The following WDFY2 variants were observed in gnomAD, a reference collection of about 807,000 sequenced individuals.
WDFY2 encodes the protein WD repeat and FYVE domain containing 2.
A neutral mutation model predicts 56.4 loss-of-function variants in WDFY2; 36 were observed. That is an observed-to-expected ratio of 0.64 (90% CI 0.49 to 0.84). The LOEUF is 0.84. Ranked by LOEUF, WDFY2 falls within the 40% of genes least tolerant of loss-of-function variation. The pLI, the probability that WDFY2 is intolerant of heterozygous loss-of-function variation, is 0.00. For missense variants in WDFY2, 444 were observed against 512.2 expected (o/e 0.87, Z 1.29); for synonymous variants, 176 against 183.7 (o/e 0.96, Z 0.34).
chr13:51,616,510 C>T lies in WDFY2; in HGVS notation c.137+31686C>T, dbSNP rs565502429. ...TCTTAAATCTCAGAGGCTTTTAACC[C>T]AAAGATTTATTTCTCACTCATGGTC... On this transcript the variant is annotated intron_variant, in intron 1 of 11. Coordinates refer to ENST00000298125, the MANE Select transcript of WDFY2 (RefSeq NM_052950.4). Among the ~76,000 whole-genome samples the T allele has an allele frequency of 3.9e-5, 6 of 152,174 alleles. No homozygotes were observed. The South Asian group carries it at 1.2e-3, about 32-fold the overall frequency.
At chr13:51,593,545 C>G (rs572910344) in intron 1 of WDFY2, among the ~76,000 whole-genome samples, 2 of 152,090 alleles carry the variant, frequency 1.3e-5, no homozygotes, top group African/African-American at 4.8e-5. Flanking sequence ...TTTGCCATAC[C>G]TGACCAGCCA....
intron 7 of WDFY2, among the ~76,000 whole-genome samples, chr13:51,746,070 G>C (rs1953097003): frequency 6.7e-6 from 1 of 148,380 alleles, no homozygotes. Context: ...TCCACCTCCA[G>C]GTTCAAGCTA....
intron 3 of WDFY2, among the ~76,000 whole-genome samples, chr13:51,696,754 C>T (rs900506839): frequency 6.6e-6 from 1 of 152,168 alleles, no homozygotes; most frequent in African/African-American, 2.4e-5. Flanking sequence ...AGTCAGTTTA[C>T]TGGACATTTA....
intron 7 of WDFY2, among the ~76,000 whole-genome samples, chr13:51,744,006 G>A (rs1487331343): frequency 3.3e-5 from 5 of 152,296 alleles, no homozygotes; most frequent in African/African-American, 4.8e-5. Flanking sequence ...GCCCCCAGAC[G>A]GGGGTCCCTG....
intron 2 of WDFY2, among the ~76,000 whole-genome samples, chr13:51,672,759 A>G (rs1955827864): frequency 6.6e-6 from 1 of 151,916 alleles, no homozygotes; most frequent in African/African-American, 2.4e-5. Context: ...GAGGTCTTTC[A>G]CCTCCTGGTT....
At chr13:51,757,932 C>T (rs2138759874) in intron 10 of WDFY2, among the ~76,000 whole-genome samples, 1 of 152,042 alleles carries the variant, frequency 6.6e-6, no homozygotes, top group South Asian at 2.1e-4. Flanking sequence ...GAGATTATCA[C>T]AGACACCATT....
Position 51,759,995 on chromosome 13 carries a change from A to G in WDFY2, c.*226A>G. On this transcript the variant is annotated 3_prime_UTR_variant, in exon 12 of 12. Transcript: ENST00000298125. ...CAATATAAAAGAAGCTATTTTTTTA[A>G]CAAATGGTTTATACAGTCTGGCTGT... The G allele has an allele frequency of 2.0e-6, 1 of 497,620 alleles. No homozygotes were observed. The highest frequency in any genetic ancestry group is 3.0e-5 in the East Asian group (1 of 33,372). 30.8% of individuals were successfully genotyped at this position (497,620 alleles called of 1,614,324 possible).
chr13:51,681,683 T>C (rs1198084313), intron 3 of WDFY2, among the ~76,000 whole-genome samples: 1 of 152,178 alleles, frequency 6.6e-6, no homozygotes, highest in African/African-American at 2.4e-5. Flanking sequence ...ATATTACATA[T>C]GTAATATATG....
intron 7 of WDFY2, among the ~76,000 whole-genome samples, chr13:51,743,733 A>G (rs541728080): frequency 5.9e-5 from 9 of 152,342 alleles, no homozygotes; most frequent in African/African-American, 2.2e-4. Flanking sequence ...ACGTGCTAGA[A>G]GTATGAAAAT....
chr13:51,646,393 T>A (rs142410614), intron 1 of WDFY2, among the ~76,000 whole-genome samples: 3 of 152,364 alleles, frequency 2.0e-5, no homozygotes, highest in Middle Eastern at 6.8e-3. Context: ...GAAGCTTTGT[T>A]TAACCCTGCC....
intron 7 of WDFY2, among the ~76,000 whole-genome samples, chr13:51,741,793 A>T (rs1180463471): frequency 6.6e-6 from 1 of 152,122 alleles, no homozygotes; most frequent in African/African-American, 2.4e-5. Context: ...CAGTATTAAG[A>T]CCCCAGCTGG....
chr13:51,618,310 A>T (rs774435784), intron 1 of WDFY2, among the ~76,000 whole-genome samples: 2 of 152,214 alleles, frequency 1.3e-5, no homozygotes, highest in Non-Finnish European at 2.9e-5. Flanking sequence ...AGATGGCCTC[A>T]TTTCTCCTAC....
chr13:51,688,600 C>G (rs988789337), intron 3 of WDFY2, among the ~76,000 whole-genome samples: 1 of 152,134 alleles, frequency 6.6e-6, no homozygotes, highest in African/African-American at 2.4e-5. Context: ...GCTAGGTAAT[C>G]TCTAAGACCC....
chr13:51,688,569 A>G (rs1215143689), intron 3 of WDFY2, among the ~76,000 whole-genome samples: 1 of 152,130 alleles, frequency 6.6e-6, no homozygotes, highest in Non-Finnish European at 1.5e-5. Flanking sequence ...TCATTTCCCT[A>G]TCTAAAAAAT....
At chr13:51,739,465 A>G (rs952597218) in intron 7 of WDFY2, among the ~76,000 whole-genome samples, 2 of 152,204 alleles carry the variant, frequency 1.3e-5, no homozygotes, top group Admixed American at 1.3e-4. Context: ...TAACAGTAAA[A>G]ATTTGAGAGT....
Position 51,703,622 on chromosome 13 carries a change from C to T in WDFY2, c.306C>T (p.Asn102=). 6.2e-7 allele frequency: 1 copy of T among 1,609,078 alleles called. No individual in the cohort carries two copies. Among genetic ancestry groups the T allele is most frequent in the East Asian group, 2.2e-5 (1 of 44,704 alleles). Residue 102 remains asparagine (N), a synonymous_variant, in exon 4 of 12, where the codon AAC becomes AAT. Transcript: ENST00000298125. ...ISEFILSEDY[N]KMTPVKNYQA... ...AGTTTATATTGTCAGAAGATTATAA[C>T]AAGATGACTCCTGTGAAAAACTATC...
At chr13:51,719,053 C>T (rs1952429167) in intron 4 of WDFY2, 145 bp from the exon 5 acceptor site, 1 of 1,135,004 alleles carries the variant, frequency 8.8e-7, no homozygotes, top group Non-Finnish European at 1.3e-6. Flanking sequence ...CCACGAGAAC[C>T]ACTGTTCTAC....
At chr13:51,617,734 A>G (rs1386664491) in intron 1 of WDFY2, among the ~76,000 whole-genome samples, 1 of 152,218 alleles carries the variant, frequency 6.6e-6, no homozygotes, top group Admixed American at 6.5e-5. Flanking sequence ...AGACTTTAGT[A>G]AAATGGTGAG....
Position 51,739,173 on chromosome 13 carries a change from C to T in WDFY2, c.723C>T (p.His241=). The change falls in exon 7 of 12, where the codon CAC becomes CAT. Residue 241 remains histidine (H), a splice_region_variant and synonymous_variant. Transcript: ENST00000298125. The stretch of plus-strand genomic sequence containing the variant: ...GAACAGCCATCGAGCTCCAAGGACA[C>T]AAGTAAGGTTGCTGGTGCTTTCATA... ...RKGTAIELQG[H]NDRVQALSYA... is the part of the protein sequence containing the mutation. 6.3e-7 allele frequency: 1 copy of T among 1,582,610 alleles called. No homozygotes were observed. The highest frequency in any genetic ancestry group is 8.6e-7 in the Non-Finnish European group (1 of 1,165,028).
Sources: allele counts gnomAD v4.1 joint callset (sites outside exome capture counted in the v4.1 genomes callset), GRCh38; gene constraint gnomAD v4.1.1; transcripts MANE v1.5; gene names NCBI Gene and HGNC (gene_info 2026-07-23, HGNC 2026-07-21).